Variants in ABCB1 observed in about 807,000 individuals in gnomAD.
The protein encoded by ABCB1 is ATP binding cassette subfamily B member 1.
In ABCB1, 69 loss-of-function variants were observed where a neutral mutation model predicts 142.0. That is an observed-to-expected ratio of 0.49 (90% CI 0.40 to 0.59). The LOEUF is 0.59. Among genes scored for constraint, ABCB1 ranks in the 20% least tolerant of loss-of-function variants. The pLI is 0.00. For missense variants in ABCB1, 1,326 were observed against 1,554.7 expected (o/e 0.85, Z 2.47); for synonymous variants, 532 against 539.2 (o/e 0.99, Z 0.18).
intron 3 of ABCB1, among the ~76,000 whole-genome samples, chr7:87,593,585 T>C (rs1310795273): frequency 6.6e-6 from 1 of 152,230 alleles, no homozygotes; most frequent in African/African-American, 2.4e-5. Flanking sequence ...TTCTAACTGA[T>C]AAGTATGGCC....
upstream of ABCB1, among the ~76,000 whole-genome samples, chr7:87,605,189 G>C (rs980095775): frequency 3.3e-5 from 5 of 152,138 alleles, no homozygotes; most frequent in African/African-American, 1.2e-4. Context: ...CTGGAGTGTA[G>C]TGTTAATAAT....
At chr7:87,596,564 A>T (rs1819216891) in intron 2 of ABCB1, among the ~76,000 whole-genome samples, 1 of 152,070 alleles carries the variant, frequency 6.6e-6, no homozygotes, top group Non-Finnish European at 1.5e-5. Context: ...GCTACCTAGG[A>T]TGTGAAAGCA....
chr7:87,526,470 C>T (rs959225387), intron 21 of ABCB1, among the ~76,000 whole-genome samples: 9 of 151,612 alleles, frequency 5.9e-5, no homozygotes, highest in Non-Finnish European at 1.0e-4. Context: ...CGCTTGAGCT[C>T]AGGAGTTCGA....
Position 87,550,555 on chromosome 7 carries a change from C to G in ABCB1, c.1137G>C (p.Ser379=). ...IDNKPSIDSY[S]KSGHKPDNIK... is the part of the protein sequence containing the mutation. ...TATTATCTGGTTTGTGCCCACTCTT[C>G]GAATAGCTGTCAATACTTGGCTTCT... The change falls in exon 11 of 28, where the codon TCG becomes TCC. Residue 379 remains serine (S), a synonymous_variant. Coordinates refer to ENST00000622132, the MANE Select transcript of ABCB1 (RefSeq NM_001348946.2). 6.2e-7 allele frequency: 1 copy of G among 1,613,418 alleles called. No individual in the cohort carries two copies. The highest frequency in any genetic ancestry group is 1.3e-5 in the African/African-American group (1 of 75,012).
At chr7:87,565,380 T>A (rs963828523) in intron 7 of ABCB1, 5 of 418,396 alleles carry the variant, frequency 1.2e-5, no homozygotes, top group Admixed American at 1.2e-4. Context: ...TAACACCATG[T>A]TCACCTTGAA....
upstream of ABCB1, among the ~76,000 whole-genome samples, chr7:87,602,516 T>C (rs527718380): frequency 6.6e-6 from 1 of 152,132 alleles, no homozygotes; most frequent in Non-Finnish European, 1.5e-5. Context: ...TTTTCACTTT[T>C]GTTTTGCTTT....
At chr7:87,506,842 T>C (rs1193646494) in intron 26 of ABCB1, among the ~76,000 whole-genome samples, 1 of 152,176 alleles carries the variant, frequency 6.6e-6, no homozygotes, top group Non-Finnish European at 1.5e-5. Flanking sequence ...GCAACCCTAG[T>C]TTTGTGGCAC....
intron 4 of ABCB1, among the ~76,000 whole-genome samples, chr7:87,573,576 A>C (rs530509742): frequency 2.0e-5 from 3 of 152,278 alleles, no homozygotes; most frequent in Non-Finnish European, 4.4e-5. Flanking sequence ...TATTGTCCCC[A>C]GATTTTATAT....
intron 1 of ABCB1, among the ~76,000 whole-genome samples, chr7:87,647,115 G>T (rs981472588): frequency 7.2e-5 from 11 of 152,104 alleles, no homozygotes; most frequent in Non-Finnish European, 1.0e-4. Context: ...ATATGTAATG[G>T]TATGTAATTT....
chr7:87,531,477 A>G lies in ABCB1; in HGVS notation c.2502T>C (p.Ala834=), dbSNP rs1232279259. The G allele has an allele frequency of 2.5e-6, 4 of 1,613,024 alleles. No homozygotes were observed. In the African/African-American group the frequency reaches 4.0e-5, roughly 16 times the overall value. The part of the protein sequence containing the change: ...QVKGAIGSRL[A]VITQNIANLG... ...GATTTGCTATATTCTGGGTAATTAC[A>G]GCAAGCCTGGAACCTATAGCCTGCA... The change falls in exon 21 of 28, where the codon GCT becomes GCC. Residue 834 remains alanine (A), a synonymous_variant. Coordinates refer to ENST00000622132, the MANE Select transcript of ABCB1 (RefSeq NM_001348946.2).
rs565774184 is a variant in ABCB1, at chr7:87,578,988, C to T, written c.286+6524G>A. ...GATTACAGGCGTGAGCCACCGCGCCCGGCCGAGATTACTTTCTTGATTACC... is the reference window on the plus strand; with the variant it reads ...GATTACAGGCGTGAGCCACCGCGCCTGGCCGAGATTACTTTCTTGATTACC... On this transcript the variant is annotated intron_variant, in intron 4 of 27. Coordinates refer to ENST00000622132, the MANE Select transcript of ABCB1 (RefSeq NM_001348946.2). Among the ~76,000 whole-genome samples the T allele has an allele frequency of 8.2e-4, 125 of 152,294 alleles. 1 individual carries two copies. The highest frequency in any genetic ancestry group is 3.0e-3 in the Admixed American group (46 of 15,298).
intron 1 of ABCB1, among the ~76,000 whole-genome samples, chr7:87,624,222 A>G (rs1297174936): frequency 6.6e-6 from 1 of 152,154 alleles, no homozygotes; most frequent in Non-Finnish European, 1.5e-5. Context: ...GCCTCACCCA[A>G]TCCTTGTTAT....
At chr7:87,518,581 C>T (rs904254468) in intron 23 of ABCB1, among the ~76,000 whole-genome samples, 1 of 152,070 alleles carries the variant, frequency 6.6e-6, no homozygotes, top group African/African-American at 2.4e-5. Flanking sequence ...GACAGAAATA[C>T]TATACTAACA....
At chr7:87,542,426 G>A (rs1270836170) in intron 17 of ABCB1, among the ~76,000 whole-genome samples, 1 of 152,144 alleles carries the variant, frequency 6.6e-6, no homozygotes, top group East Asian at 1.9e-4. Flanking sequence ...ATTTGCTCAA[G>A]TTAACACAGC....
chr7:87,668,105 C>T (rs1825449571), intron 1 of ABCB1, among the ~76,000 whole-genome samples: 1 of 150,570 alleles, frequency 6.6e-6, no homozygotes. Context: ...GTTATGAATC[C>T]ATCAGGCCCT....
intron 16 of ABCB1, 137 bp downstream of exon 16, chr7:87,544,686 A>G: frequency 1.2e-6 from 1 of 831,828 alleles, no homozygotes; most frequent in Non-Finnish European, 1.9e-6. Context: ...TGATTCTAAA[A>G]TGTTGACATT....
chr7:87,515,086 G>GACC, intron 25 of ABCB1, 145 bp downstream of exon 25: 1 of 1,062,456 alleles, frequency 9.4e-7, no homozygotes, highest in Admixed American at 2.0e-5. Flanking sequence ...ACCACTTGGA[G>GACC]ACCATATTTA....
intron 1 of ABCB1, among the ~76,000 whole-genome samples, chr7:87,701,156 T>C (rs926168973): frequency 2.0e-5 from 3 of 152,212 alleles, no homozygotes; most frequent in Non-Finnish European, 2.9e-5. Flanking sequence ...GTACAATTCT[T>C]TGAATTGTGA....
chr7:87,595,670 T>C (rs1031891883), intron 3 of ABCB1, 96 bp downstream of exon 3: 9 of 1,005,282 alleles, frequency 9.0e-6, no homozygotes, highest in African/African-American at 3.2e-5. Context: ...ACATACCCTA[T>C]ACGAAAATCT....
Sources: gnomAD v4.1 joint callset for allele counts (sites outside exome capture counted in the v4.1 genomes callset) on GRCh38, gnomAD v4.1.1 for gene constraint, MANE v1.5 for transcripts, NCBI Gene and HGNC (gene_info 2026-07-23, HGNC 2026-07-21) for gene names.